The following HYCC1 variants were observed in gnomAD, a reference collection of about 807,000 sequenced individuals.
HYCC1 encodes hyccin PI4KA lipid kinase complex subunit 1, also known as hyccin.
chr7:22,990,186 C>T, the HYCC1 span, among the ~76,000 whole-genome samples: 1 of 152,166 alleles, frequency 6.6e-6, no homozygotes, highest in Non-Finnish European at 1.5e-5. Context: ...AGATGTTCAC[C>T]CCATTATAAA....
the HYCC1 span, among the ~76,000 whole-genome samples, chr7:23,007,274 A>G: frequency 3.3e-5 from 5 of 152,182 alleles, no homozygotes; most frequent in Non-Finnish European, 2.9e-5. Flanking sequence ...AATTAAGAAA[A>G]ACATTACGGT....
At chr7:22,922,158 A>C in the HYCC1 span, among the ~76,000 whole-genome samples, 2 of 96,572 alleles carry the variant, frequency 2.1e-5, no homozygotes, top group South Asian at 7.5e-4. Flanking sequence ...AACTTTATGA[A>C]TAATAAAGTT....
chr7:22,955,400 C>G, the HYCC1 span, among the ~76,000 whole-genome samples: 1 of 151,528 alleles, frequency 6.6e-6, no homozygotes, highest in South Asian at 2.1e-4. Flanking sequence ...ACTTACTTGT[C>G]TCATTATCTC....
At chr7:22,905,186 C>A in the HYCC1 span, among the ~76,000 whole-genome samples, 1 of 152,040 alleles carries the variant, frequency 6.6e-6, no homozygotes, top group East Asian at 1.9e-4. Flanking sequence ...ACCTCCAACA[C>A]TGGGGATTAC....
At chr7:22,939,346 C>T in the HYCC1 span, 22 of 152,280 alleles carry the variant, frequency 1.4e-4, no homozygotes, top group African/African-American at 5.1e-4. Context: ...GAACTGCCCA[C>T]CAATTCATTT....
the HYCC1 span, chr7:22,945,281 C>A: frequency 2.4e-6 from 1 of 421,038 alleles, no homozygotes; most frequent in South Asian, 2.5e-5. Context: ...TGAGACATAA[C>A]CAACTTGATT....
At chr7:22,978,176 C>T in the HYCC1 span, 3 of 1,213,378 alleles carry the variant, frequency 2.5e-6, no homozygotes, top group African/African-American at 4.5e-5. Context: ...TATGAAAAAA[C>T]AAACACTAGC....
At chr7:22,936,460 C>T in the HYCC1 span, 1 of 152,252 alleles carries the variant, frequency 6.6e-6, no homozygotes, top group East Asian at 1.9e-4. Flanking sequence ...AAGAGATTTA[C>T]TGATATCCTC....
chr7:22,975,870 C>A, the HYCC1 span, among the ~76,000 whole-genome samples: 1 of 152,056 alleles, frequency 6.6e-6, no homozygotes, highest in Non-Finnish European at 1.5e-5. Context: ...GCGTGCACCA[C>A]CATGCCCAGC....
chr7:22,943,905 G>T, the HYCC1 span: 1 of 152,448 alleles, frequency 6.6e-6, no homozygotes, highest in Non-Finnish European at 1.5e-5. Context: ...ATTCATTTAT[G>T]TCAAAATCCA....
At chr7:22,939,948 A>C in the HYCC1 span, 1 of 152,202 alleles carries the variant, frequency 6.6e-6, no homozygotes, top group African/African-American at 2.4e-5. Context: ...GGTTGTAAAA[A>C]ATCTTTCTCT....
chr7:22,926,376 G>A, the HYCC1 span, among the ~76,000 whole-genome samples: 1 of 152,038 alleles, frequency 6.6e-6, no homozygotes, highest in East Asian at 1.9e-4. Context: ...CAATTAAAAG[G>A]CACTGACTGG....
chr7:22,917,068 C>T, the HYCC1 span, among the ~76,000 whole-genome samples: 1 of 152,318 alleles, frequency 6.6e-6, no homozygotes, highest in Non-Finnish European at 1.5e-5. Flanking sequence ...CAAAAGGTGT[C>T]AGATCCCATC....
the HYCC1 span, among the ~76,000 whole-genome samples, chr7:22,915,628 A>C: frequency 1.3e-5 from 2 of 152,146 alleles, no homozygotes; most frequent in Non-Finnish European, 2.9e-5. Flanking sequence ...CTGGACCATC[A>C]CAGATGCTTT....
At chr7:22,915,294 A>G in the HYCC1 span, among the ~76,000 whole-genome samples, 1 of 152,342 alleles carries the variant, frequency 6.6e-6, no homozygotes, top group South Asian at 2.1e-4. Flanking sequence ...CTGTGAGAGA[A>G]ACCCCAGACA....
the HYCC1 span, among the ~76,000 whole-genome samples, chr7:22,929,211 C>G: frequency 6.6e-6 from 1 of 152,100 alleles, no homozygotes; most frequent in Non-Finnish European, 1.5e-5. Context: ...TAAAGACTTA[C>G]ATGTTAGACC....
At chr7:22,945,849 T>G in the HYCC1 span, 1 of 1,613,778 alleles carries the variant, frequency 6.2e-7, no homozygotes. Flanking sequence ...CTACTAGGCT[T>G]AGGTAGGGAT....
chr7:22,961,535 A>C, the HYCC1 span, among the ~76,000 whole-genome samples: 1 of 152,190 alleles, frequency 6.6e-6, no homozygotes, highest in Non-Finnish European at 1.5e-5. Context: ...ATAGATGTAC[A>C]TTTCTTCTCT....
chr7:22,947,544 A>C, the HYCC1 span, among the ~76,000 whole-genome samples: 1 of 152,144 alleles, frequency 6.6e-6, no homozygotes, highest in Non-Finnish European at 1.5e-5. Flanking sequence ...CTAATAAATC[A>C]AAATAAAATT....
Sources: allele counts gnomAD v4.1 joint callset (sites outside exome capture counted in the v4.1 genomes callset), GRCh38; gene constraint gnomAD v4.1.1; transcripts MANE v1.5; gene names NCBI Gene and HGNC (gene_info 2026-07-23, HGNC 2026-07-21).